SH3D19: variants seen among roughly 807,000 people sequenced by gnomAD.
SH3D19 encodes SH3 domain containing 19.
In SH3D19, 58 loss-of-function variants were observed where a neutral mutation model predicts 112.1. The observed-to-expected ratio is 0.52, with a 90% confidence interval of 0.42 to 0.64. SH3D19 has a LOEUF of 0.64. Among genes scored for constraint, SH3D19 ranks in the 30% least tolerant of loss-of-function variants. SH3D19 has a pLI of 0.00. For missense variants in SH3D19, 1,090 were observed against 1,263.4 expected, an observed-to-expected ratio of 0.86 and a Z score of 2.08; for synonymous variants, 391 against 448.5, an observed-to-expected ratio of 0.87 and a Z score of 1.62.
chr4:151,144,328 T>C, intron 11 of SH3D19: 2 of 1,561,674 alleles, frequency 1.3e-6, no homozygotes, highest in Non-Finnish European at 8.8e-7. Flanking sequence ...CACAATCAAA[T>C]AACCTCCTCT....
chr4:151,174,114 T>C (rs1392427752), intron 7 of SH3D19, among the ~76,000 whole-genome samples: 1 of 152,202 alleles, frequency 6.6e-6, no homozygotes, highest in Non-Finnish European at 1.5e-5. Flanking sequence ...CTTTGCAACA[T>C]GTGGCTGGGT....
At chr4:151,217,093 T>C (rs1767251119) in intron 2 of SH3D19, among the ~76,000 whole-genome samples, 1 of 152,144 alleles carries the variant, frequency 6.6e-6, no homozygotes, top group Non-Finnish European at 1.5e-5. Flanking sequence ...GAAAACATAA[T>C]GCCAGAAAGT....
At chr4:151,263,112 C>T (rs17505984) in intron 1 of SH3D19, among the ~76,000 whole-genome samples, 2,807 of 152,256 alleles carry the variant, frequency 0.018, 46 homozygotes, top group Non-Finnish European at 0.031. Flanking sequence ...TGTTGCCTTT[C>T]CCCCGCACAA....
intron 17 of SH3D19, among the ~76,000 whole-genome samples, chr4:151,131,734 C>T (rs576415686): frequency 2.8e-4 from 43 of 152,174 alleles, no homozygotes; most frequent in African/African-American, 4.8e-4. Flanking sequence ...ATGATCCGCC[C>T]GCCTCGGCTT....
intron 1 of SH3D19, among the ~76,000 whole-genome samples, chr4:151,319,726 T>G (rs553673500): frequency 6.6e-6 from 1 of 152,308 alleles, no homozygotes; most frequent in African/African-American, 2.4e-5. Context: ...AACAAAAAAC[T>G]TACCCTCTTC....
At chr4:151,188,370 T>A (rs1381133001) in intron 2 of SH3D19, among the ~76,000 whole-genome samples, 1 of 152,134 alleles carries the variant, frequency 6.6e-6, no homozygotes, top group Non-Finnish European at 1.5e-5. Context: ...AAAAAAGAAT[T>A]AATATAAGGT....
chr4:151,195,990 A>G (rs1255476262), intron 2 of SH3D19, among the ~76,000 whole-genome samples: 1 of 151,888 alleles, frequency 6.6e-6, no homozygotes, highest in African/African-American at 2.4e-5. Flanking sequence ...AACTATATAT[A>G]TGCAAAGGGG....
At chr4:151,320,869 G>C (rs1380433786) in intron 1 of SH3D19, among the ~76,000 whole-genome samples, 1 of 151,996 alleles carries the variant, frequency 6.6e-6, no homozygotes, top group Non-Finnish European at 1.5e-5. Flanking sequence ...GCAAAACCCC[G>C]CCTCTACTAA....
At chr4:151,301,014 A>G (rs937217851) in intron 1 of SH3D19, among the ~76,000 whole-genome samples, 8 of 152,242 alleles carry the variant, frequency 5.3e-5, no homozygotes, top group African/African-American at 2.4e-5. Context: ...AATGAGATAT[A>G]GAACCTTGGC....
At chr4:151,248,450 C>CAA (rs1403586352) in intron 1 of SH3D19, among the ~76,000 whole-genome samples, 1 of 152,150 alleles carries the variant, frequency 6.6e-6, no homozygotes, top group Admixed American at 6.5e-5. Context: ...AATTAGGAAG[C>CAA]ATTAGTGTTA....
rs371978163 is a variant in SH3D19 at position 151,166,058 on chromosome 4, C to T, written c.1535-362G>A. On this transcript the variant is annotated intron_variant, in intron 7 of 19. Coordinates refer to ENST00000604030, the MANE Select transcript of SH3D19 (RefSeq NM_001378122.1). ...CCCACATCCTAAAGCCTCCCAGATG[C>T]CACAGAGAGGAAAGACTCTTTCCCT... The T allele has an allele frequency of 1.4e-4, 27 of 189,920 alleles. No homozygotes were observed. The East Asian group carries it at 2.3e-3, about 16-fold the overall frequency. 11.8% of individuals were successfully genotyped at this position (189,920 alleles called of 1,614,324 possible).
At chr4:151,157,981 C>CA (rs1756432023) in intron 9 of SH3D19, among the ~76,000 whole-genome samples, 1 of 152,032 alleles carries the variant, frequency 6.6e-6, no homozygotes, top group African/African-American at 2.4e-5. Context: ...TTAAATAATA[C>CA]AAAATTAGAG....
chr4:151,314,221 T>G (rs1729773671), intron 1 of SH3D19, among the ~76,000 whole-genome samples: 1 of 152,152 alleles, frequency 6.6e-6, no homozygotes, highest in African/African-American at 2.4e-5. Flanking sequence ...AGGGACAACA[T>G]CACCTCCCTT....
chr4:151,287,360 A>AGAGGGAACACTTCCC (rs1285784198), intron 1 of SH3D19, among the ~76,000 whole-genome samples: 36 of 151,410 alleles, frequency 2.4e-4, no homozygotes, highest in African/African-American at 8.2e-4. Flanking sequence ...AAAAAAAAAA[A>AGAGGGAACACTTCCC]AGAGGGAACA....
chr4:151,275,461 T>C (rs187624351), intron 1 of SH3D19, among the ~76,000 whole-genome samples: 1 of 152,294 alleles, frequency 6.6e-6, no homozygotes, highest in Non-Finnish European at 1.5e-5. Context: ...TGATTTAAGC[T>C]AGCTTAAGTG....
intron 2 of SH3D19, among the ~76,000 whole-genome samples, chr4:151,192,581 T>C (rs1482467309): frequency 6.6e-6 from 1 of 152,236 alleles, no homozygotes; most frequent in Admixed American, 6.5e-5. Context: ...TGATTTGCAT[T>C]TCTGCTGAAA....
intron 9 of SH3D19, among the ~76,000 whole-genome samples, chr4:151,155,786 G>A (rs112503281): frequency 0.055 from 8,316 of 152,238 alleles, 700 homozygotes; most frequent in African/African-American, 0.19. Flanking sequence ...CTACTTGGGA[G>A]GCTGAGGCAG....
intron 2 of SH3D19, among the ~76,000 whole-genome samples, chr4:151,214,788 C>A (rs529334888): frequency 8.2e-6 from 1 of 122,400 alleles, no homozygotes; most frequent in Admixed American, 8.0e-5. Flanking sequence ...CCCTCCCGGA[C>A]GGAGCGCCTG....
At chr4:151,236,665 T>C (rs1486180113) in intron 1 of SH3D19, among the ~76,000 whole-genome samples, 1 of 151,700 alleles carries the variant, frequency 6.6e-6, no homozygotes, top group Admixed American at 6.6e-5. Flanking sequence ...GGATTGTAAA[T>C]GCACCAATCA....
Sources: allele counts gnomAD v4.1 joint callset (sites outside exome capture counted in the v4.1 genomes callset), GRCh38; gene constraint gnomAD v4.1.1; transcripts MANE v1.5; gene names NCBI Gene and HGNC (gene_info 2026-07-23, HGNC 2026-07-21).